The following CDH4 variants were observed in gnomAD, a reference collection of about 807,000 sequenced individuals.
CDH4 encodes cadherin 4.
Under a neutral mutation model 86.0 loss-of-function variants are expected in CDH4, and 33 were observed. The observed-to-expected ratio is 0.38, with a 90% CI of 0.29 to 0.51. The LOEUF (loss-of-function observed/expected upper bound fraction) is 0.51. Ranked by LOEUF, CDH4 falls within the 20% of genes least tolerant of loss-of-function variation. The pLI is 0.86. For missense variants in CDH4, 1,114 were observed against 1,307.4 expected (o/e 0.85, Z 2.28); for synonymous variants, 555 against 549.4 (o/e 1.01, Z -0.14).
intron 2 of CDH4, among the ~76,000 whole-genome samples, chr20:61,568,614 G>A (rs144835470): frequency 6.6e-5 from 10 of 152,290 alleles, no homozygotes; most frequent in East Asian, 1.9e-4. Context: ...TGGTCTTCCC[G>A]CCTTCCTGCT....
intron 2 of CDH4, among the ~76,000 whole-genome samples, chr20:61,347,363 T>C (rs2084685556): frequency 6.6e-6 from 1 of 152,266 alleles, no homozygotes; most frequent in Non-Finnish European, 1.5e-5. Context: ...CTGTCTTAGA[T>C]GATTCCAAAT....
chr20:61,646,581 C>T (rs2087063640), intron 2 of CDH4, among the ~76,000 whole-genome samples: 1 of 152,194 alleles, frequency 6.6e-6, no homozygotes, highest in Non-Finnish European at 1.5e-5. Flanking sequence ...GTGGGGGATC[C>T]CTGGGGGGAC....
chr20:61,410,778 C>T (rs2085114639), intron 2 of CDH4, among the ~76,000 whole-genome samples: 2 of 151,992 alleles, frequency 1.3e-5, no homozygotes, highest in Non-Finnish European at 2.9e-5. Context: ...ATCCATCTGT[C>T]AGTCATCCAC....
At chr20:61,636,597 G>A (rs1205122436) in intron 2 of CDH4, among the ~76,000 whole-genome samples, 7 of 152,208 alleles carry the variant, frequency 4.6e-5, no homozygotes, top group Admixed American at 1.3e-4. Context: ...CTATCTTTGC[G>A]AGGCTCTGGC....
chr20:61,910,395 G>A (rs370432072), intron 8 of CDH4, 27 bp from the exon 9 acceptor site: 8 of 1,606,104 alleles, frequency 5.0e-6, no homozygotes, highest in Admixed American at 1.7e-5. Context: ...ACACGGGTTT[G>A]TGACATTCTT....
chr20:61,492,926 A>G (rs1022646698), intron 2 of CDH4, among the ~76,000 whole-genome samples: 3 of 152,200 alleles, frequency 2.0e-5, no homozygotes, highest in African/African-American at 7.2e-5. Context: ...ATGAGGGATG[A>G]GCCAAGTTGG....
chr20:61,564,413 C>T (rs1192426957), intron 2 of CDH4, among the ~76,000 whole-genome samples: 1 of 152,126 alleles, frequency 6.6e-6, no homozygotes, highest in Non-Finnish European at 1.5e-5. Flanking sequence ...GGGTAGATCC[C>T]TCATGAATGG....
chr20:61,537,074 TGGTA>T (rs1350567540), intron 2 of CDH4, among the ~76,000 whole-genome samples: 1 of 152,208 alleles, frequency 6.6e-6, no homozygotes, highest in Non-Finnish European at 1.5e-5. Flanking sequence ...CCTGCAGGGC[TGGTA>T]GACAGGCGTT....
At chr20:61,688,439 AATG>A (rs568592719) in intron 2 of CDH4, among the ~76,000 whole-genome samples, 2 of 152,110 alleles carry the variant, frequency 1.3e-5, no homozygotes, top group Non-Finnish European at 2.9e-5. Context: ...TCAATCTGAT[AATG>A]ATAAGAACAG....
chr20:61,519,717 G>A (rs1488510811), intron 2 of CDH4, among the ~76,000 whole-genome samples: 2 of 152,222 alleles, frequency 1.3e-5, no homozygotes, highest in African/African-American at 2.4e-5. Context: ...TTCCTTAATC[G>A]AATGCCACTA....
At chr20:61,911,387 A>C (rs922060652) in intron 9 of CDH4, among the ~76,000 whole-genome samples, 5 of 152,238 alleles carry the variant, frequency 3.3e-5, no homozygotes, top group African/African-American at 1.2e-4. Context: ...CTACACTCAT[A>C]ATTCATATTC....
At chr20:61,625,326 A>G (rs2086820945) in intron 2 of CDH4, among the ~76,000 whole-genome samples, 1 of 152,080 alleles carries the variant, frequency 6.6e-6, no homozygotes, top group African/African-American at 2.4e-5. Context: ...TCAACATTCA[A>G]ATATTTAAGG....
At chr20:61,870,583 G>A (rs578126861) in intron 6 of CDH4, among the ~76,000 whole-genome samples, 19 of 152,220 alleles carry the variant, frequency 1.2e-4, no homozygotes, top group African/African-American at 3.1e-4. Flanking sequence ...CCCTTTCTGC[G>A]ACAGGCATGT....
intron 2 of CDH4, among the ~76,000 whole-genome samples, chr20:61,315,956 C>T (rs1006677333): frequency 2.6e-5 from 4 of 152,176 alleles, no homozygotes; most frequent in African/African-American, 9.7e-5. Flanking sequence ...AAGTGATCTG[C>T]CCCTGGGTGG....
At chr20:61,910,152 C>T (rs1973940) in intron 8 of CDH4, among the ~76,000 whole-genome samples, 117,462 of 151,054 alleles carry the variant, frequency 0.78, 48,912 homozygotes, top group Non-Finnish European at 0.95. Flanking sequence ...ACACGGTGTG[C>T]TCTGTTTGTG....
chr20:61,832,011 C>A (rs1317517080), intron 4 of CDH4, among the ~76,000 whole-genome samples: 2 of 117,782 alleles, frequency 1.7e-5, no homozygotes, highest in African/African-American at 2.5e-5. Flanking sequence ...GACCAGGAGA[C>A]CACCTTGCCC....
chr20:61,706,786 C>T (rs957608710), intron 2 of CDH4, among the ~76,000 whole-genome samples: 2 of 152,194 alleles, frequency 1.3e-5, no homozygotes, highest in African/African-American at 2.4e-5. Context: ...TCGGGCAGGA[C>T]GTTCATGGTG....
In CDH4 at chr20:61,856,767, G is replaced by A. The variant is rs188909503; in HGVS notation, c.877+3869G>A. On this transcript the variant is annotated intron_variant, in intron 6 of 15. Coordinates refer to ENST00000614565, the MANE Select transcript of CDH4 (RefSeq NM_001794.5). ...AGAGGGTGTGGCAGGCACCGTGGCC[G>A]GCTCTTTTGTGGTTGAGGCACAGAG... is the stretch of plus-strand genomic sequence containing the variant. 1.2e-3 allele frequency among the ~76,000 whole-genome samples: 184 copies of A among 152,284 alleles called. 1 individual carries two copies. Among genetic ancestry groups the A allele is most frequent in the African/African-American group, 4.0e-3 (165 of 41,564 alleles).
chr20:61,296,069 G>A (rs2084350359), intron 2 of CDH4, among the ~76,000 whole-genome samples: 1 of 152,114 alleles, frequency 6.6e-6, no homozygotes, highest in Admixed American at 6.5e-5. Flanking sequence ...GGGGCAAGGG[G>A]GAGTGGCCTG....
Sources: gnomAD v4.1 joint callset for allele counts (sites outside exome capture counted in the v4.1 genomes callset) on GRCh38, gnomAD v4.1.1 for gene constraint, MANE v1.5 for transcripts, NCBI Gene and HGNC (gene_info 2026-07-23, HGNC 2026-07-21) for gene names.